Variants in NYAP2 observed in about 807,000 individuals in gnomAD.
The protein encoded by NYAP2 is neuronal tyrosine-phosphorylated phosphoinositide-3-kinase adapter 2.
A neutral mutation model predicts 50.4 loss-of-function variants in NYAP2; 23 were observed. That is an observed-to-expected ratio of 0.46 (90% confidence interval 0.33 to 0.65). The LOEUF is 0.65. Among genes scored for constraint, NYAP2 ranks in the 30% least tolerant of loss-of-function variants. The pLI, the probability that NYAP2 is intolerant of heterozygous loss-of-function variation, is 0.02. For missense variants in NYAP2, 885 were observed against 861.0 expected (o/e 1.03, Z -0.35); for synonymous variants, 394 against 365.2 (o/e 1.08, Z -0.90).
intron 5 of NYAP2, among the ~76,000 whole-genome samples, chr2:225,623,472 A>G (rs978349459): frequency 2.0e-5 from 3 of 152,194 alleles, no homozygotes; most frequent in Non-Finnish European, 4.4e-5. Flanking sequence ...CTGGCCTGTA[A>G]TCAATCAGGA....
intron 3 of NYAP2, among the ~76,000 whole-genome samples, chr2:225,457,771 G>C (rs1272005039): frequency 6.6e-6 from 1 of 152,142 alleles, no homozygotes; most frequent in Non-Finnish European, 1.5e-5. Flanking sequence ...AAGACCAAAG[G>C]TCATGTGGCA....
downstream of NYAP2, among the ~76,000 whole-genome samples, chr2:225,658,258 C>T (rs1693859672): frequency 6.6e-6 from 1 of 152,172 alleles, no homozygotes; most frequent in Non-Finnish European, 1.5e-5. Flanking sequence ...CTTCTGCATA[C>T]ATGTCAACCT....
At chr2:225,409,038 C>T in exon 3 of NYAP2, 1 of 1,612,012 alleles carries the variant, frequency 6.2e-7, no homozygotes, top group Non-Finnish European at 8.5e-7. Flanking sequence ...AGAAATGAAA[C>T]TAACCTAGCC....
chr2:225,442,910 A>G (rs1166322080), intron 3 of NYAP2, among the ~76,000 whole-genome samples: 1 of 152,172 alleles, frequency 6.6e-6, no homozygotes, highest in Non-Finnish European at 1.5e-5. Flanking sequence ...ATAGTTCCAC[A>G]TGGCTGGAGA....
At chr2:225,473,953 T>G (rs1280926419) in intron 3 of NYAP2, among the ~76,000 whole-genome samples, 1 of 152,246 alleles carries the variant, frequency 6.6e-6, no homozygotes, top group Non-Finnish European at 1.5e-5. Flanking sequence ...GTCTAACATT[T>G]AAGTCTTGAA....
intron 5 of NYAP2, among the ~76,000 whole-genome samples, chr2:225,626,487 T>C (rs1693212202): frequency 1.3e-5 from 2 of 152,186 alleles, no homozygotes; most frequent in African/African-American, 4.8e-5. Context: ...ATCAAATAAT[T>C]GTCAAATGGC....
chr2:225,544,687 C>T (rs1001174733), intron 4 of NYAP2, among the ~76,000 whole-genome samples: 1 of 151,952 alleles, frequency 6.6e-6, no homozygotes, highest in Non-Finnish European at 1.5e-5. Flanking sequence ...CATTATTTAG[C>T]CTTTCTACTT....
chr2:225,625,379 AC>A (rs537243849), intron 5 of NYAP2, among the ~76,000 whole-genome samples: 10 of 152,288 alleles, frequency 6.6e-5, no homozygotes, highest in African/African-American at 2.4e-4. Context: ...AAAACGCAAA[AC>A]AAACAAAACC....
In NYAP2 at chr2:225,644,215, G is replaced by GT. The variant is rs903701632; in HGVS notation, c.1829-7211dup. Among the ~76,000 whole-genome samples, 26 of 152,268 alleles carry GT rather than the reference G, an allele frequency of 1.7e-4. No homozygotes were observed. The East Asian group carries it at 4.6e-3, about 27-fold the overall frequency. ...AGTGATGCTGAGCATTTTTTCATGT[G>GT]TTTTTTGGCTGCATAAATGCCTTCT... On this transcript the variant is annotated intron_variant, in intron 6 of 6. Coordinates refer to ENST00000636099, the Ensembl canonical transcript of NYAP2.
rs147843727 is a variant in NYAP2, at chr2:225,454,993, G to A, written c.221+45892G>A. On this transcript the variant is annotated intron_variant, in intron 3 of 6. Coordinates refer to ENST00000636099, the Ensembl canonical transcript of NYAP2. ...AAATGGGAAAGAGGGAGGCAAAAGT[G>A]TCATAGTGATAGTACCTGAGCAAAC... Among the ~76,000 whole-genome samples, 1,263 of 152,228 alleles carry A rather than the reference G, an allele frequency of 8.3e-3. 11 individuals are homozygous for A. The highest frequency in any genetic ancestry group is 0.02 in the Middle Eastern group (6 of 294).
chr2:225,656,185 A>G (rs1005445766), downstream of NYAP2, among the ~76,000 whole-genome samples: 2 of 152,138 alleles, frequency 1.3e-5, no homozygotes, highest in African/African-American at 4.8e-5. Flanking sequence ...AAAGTTTGAC[A>G]GACCAAATCT....
intron 5 of NYAP2, among the ~76,000 whole-genome samples, chr2:225,589,342 A>T (rs2106234418): frequency 7.0e-6 from 1 of 142,044 alleles, no homozygotes; most frequent in African/African-American, 2.6e-5. Flanking sequence ...TTTTTTTTTT[A>T]GGAGAATCCA....
intron 6 of NYAP2, among the ~76,000 whole-genome samples, chr2:225,636,568 G>T (rs1178805522): frequency 6.6e-6 from 1 of 151,226 alleles, no homozygotes; most frequent in East Asian, 1.9e-4. Context: ...TACAAATCAT[G>T]CTGCTATAAA....
intron 3 of NYAP2, among the ~76,000 whole-genome samples, chr2:225,459,704 C>T (rs1001137289): frequency 5.9e-5 from 9 of 151,924 alleles, no homozygotes; most frequent in Admixed American, 3.3e-4. Context: ...AGTGCAGTGA[C>T]GTGATCTCAG....
chr2:225,460,817 T>C (rs745944024), intron 3 of NYAP2, among the ~76,000 whole-genome samples: 4 of 151,810 alleles, frequency 2.6e-5, no homozygotes, highest in Non-Finnish European at 4.4e-5. Flanking sequence ...AGGTTATCCA[T>C]TACGTGGATA....
chr2:225,516,492 G>T (rs1690937766), intron 4 of NYAP2, among the ~76,000 whole-genome samples: 1 of 152,072 alleles, frequency 6.6e-6, no homozygotes. Context: ...TGCAGAAATG[G>T]TAGACTCCCA....
At chr2:225,540,483 C>T (rs1559209228) in intron 4 of NYAP2, among the ~76,000 whole-genome samples, 2 of 152,158 alleles carry the variant, frequency 1.3e-5, no homozygotes, top group African/African-American at 4.8e-5. Flanking sequence ...TTATAATAAC[C>T]ATCCAATCTC....
intron 4 of NYAP2, among the ~76,000 whole-genome samples, chr2:225,574,735 C>T (rs531711605): frequency 6.6e-6 from 1 of 152,222 alleles, no homozygotes; most frequent in Non-Finnish European, 1.5e-5. Flanking sequence ...CTTCTCTCTA[C>T]TTAAGGCTAT....
At chr2:225,665,226 C>G in the NYAP2 span, among the ~76,000 whole-genome samples, 1 of 151,974 alleles carries the variant, frequency 6.6e-6, no homozygotes, top group South Asian at 2.1e-4. Flanking sequence ...TCTGCCCTGG[C>G]TTTGCTGAGC....
Sources: gnomAD v4.1 joint callset for allele counts (sites outside exome capture counted in the v4.1 genomes callset) on GRCh38, gnomAD v4.1.1 for gene constraint, MANE v1.5 for transcripts, NCBI Gene and HGNC (gene_info 2026-07-23, HGNC 2026-07-21) for gene names.